Variants in RLIM observed in about 807,000 individuals in gnomAD.
RLIM encodes ring finger protein, LIM domain interacting.
In RLIM, 2 loss-of-function variants were observed where a neutral mutation model predicts 34.0. That is an observed-to-expected ratio of 0.06 (90% confidence interval 0.02 to 0.19). The LOEUF (loss-of-function observed/expected upper bound fraction) is 0.19, where lower values mean the gene tolerates loss of function less well. Among genes scored for constraint, RLIM ranks in the 10% least tolerant of loss-of-function variants. RLIM has a pLI of 1.00. For synonymous variants in RLIM, 169 were observed against 164.0 expected (o/e 1.03, Z -0.23); for missense variants, 286 against 479.7 (o/e 0.60, Z 3.77).
At chrX:74,609,478 A>T (rs2079697405) in intron 1 of RLIM, among the ~76,000 whole-genome samples, 1 of 74,020 alleles carries the variant, frequency 1.4e-5, no homozygotes, top group Non-Finnish European at 2.4e-5. Context: ...ACAGAGCGAG[A>T]CTCCGTTTCA....
chrX:74,611,307 G>A (rs967926164), intron 1 of RLIM, among the ~76,000 whole-genome samples: 10 of 111,858 alleles, frequency 8.9e-5, no homozygotes, highest in African/African-American at 3.3e-4. Flanking sequence ...AAAAATTAAT[G>A]TACATATAAT....
chrX:74,608,892 T>C (rs1189748789), intron 1 of RLIM, among the ~76,000 whole-genome samples: 1 of 112,325 alleles, frequency 8.9e-6, no homozygotes, highest in Non-Finnish European at 1.9e-5. Flanking sequence ...AATACTTTAA[T>C]CTAGACAGTG....
intron 1 of RLIM, among the ~76,000 whole-genome samples, chrX:74,613,702 G>C (rs890027234): frequency 9.7e-6 from 1 of 103,170 alleles, no homozygotes; most frequent in African/African-American, 3.6e-5. Flanking sequence ...AAATTAACTT[G>C]AAAATTTGGC....
At chrX:74,593,124 T>C (rs1414395896) in intron 3 of RLIM, 63 bp from the exon 4 acceptor site, 1 of 1,079,356 alleles carries the variant, frequency 9.3e-7, no homozygotes, top group Non-Finnish European at 1.2e-6. Context: ...GACAATCATA[T>C]AAGTGCTCTG....
At chrX:74,610,931 C>A (rs2079708130) in intron 1 of RLIM, among the ~76,000 whole-genome samples, 1 of 110,501 alleles carries the variant, frequency 9.0e-6, no homozygotes, top group Non-Finnish European at 1.9e-5. Context: ...AAAAATACCT[C>A]AATTGATAAA....
At position 74,590,311 on chromosome X, in the gene RLIM, A is replaced by G. The variant is rs1205772409; in HGVS notation, c.*1129T>C. 1 of 112,058 alleles carries G rather than the reference A, an allele frequency of 8.9e-6. No homozygotes were observed. Among genetic ancestry groups the G allele is most frequent in the Non-Finnish European group, 1.9e-5 (1 of 53,245 alleles). 9.2% of individuals were successfully genotyped at this position (112,058 alleles called of 1,213,427 possible). A position where few individuals can be genotyped will look rare whatever the true frequency, so the allele number is the denominator to read the frequency against. On this transcript the variant is annotated 3_prime_UTR_variant, in exon 4 of 4. Transcript: ENST00000332687. ...GCCAAACTTGCTGATCTTCTGCTTC[A>G]TCTACTCAGGTAGAATACCAGGTCA...
intron 1 of RLIM, among the ~76,000 whole-genome samples, chrX:74,598,401 G>T (rs2079648098): frequency 9.0e-6 from 1 of 110,851 alleles, no homozygotes; most frequent in Admixed American, 9.7e-5. Flanking sequence ...GCCGAGGTGG[G>T]AGGATCACTT....
chrX:74,589,894 A>T lies in RLIM; in HGVS notation c.*1546T>A, dbSNP rs771591020. ...CTCTTACTACTAAGAAACCAACATA[A>T]AGTGCATGTCCATAGATAGCGAGTC... is the stretch of plus-strand genomic sequence containing the variant. On this transcript the variant is annotated 3_prime_UTR_variant, in exon 4 of 4. Coordinates refer to ENST00000332687, the MANE Select transcript of RLIM (RefSeq NM_016120.4). 11 of 112,413 alleles carry T rather than the reference A, an allele frequency of 9.8e-5. No homozygotes were observed. Among genetic ancestry groups the T allele is most frequent in the Non-Finnish European group, 1.3e-4 (7 of 53,278 alleles). 9.3% of individuals were successfully genotyped at this position (112,413 alleles called of 1,213,427 possible). A position where few individuals can be genotyped will look rare whatever the true frequency, so the allele number is the denominator to read the frequency against.
intron 1 of RLIM, among the ~76,000 whole-genome samples, chrX:74,603,900 G>C (rs1300697629): frequency 9.0e-6 from 1 of 110,793 alleles, no homozygotes; most frequent in Admixed American, 9.7e-5. Flanking sequence ...ACAAGGTCAG[G>C]AGTTCTGAGA....
At chrX:74,598,928 A>G (rs1205549458) in intron 1 of RLIM, among the ~76,000 whole-genome samples, 1 of 112,066 alleles carries the variant, frequency 8.9e-6, no homozygotes, top group Non-Finnish European at 1.9e-5. Context: ...ATAAATGGAC[A>G]TTTGCAAATG....
At chrX:74,606,693 A>C (rs978971476) in intron 1 of RLIM, among the ~76,000 whole-genome samples, 2 of 112,049 alleles carry the variant, frequency 1.8e-5, no homozygotes, top group African/African-American at 6.5e-5. Flanking sequence ...GTTATATTTG[A>C]TGGACACACT....
chrX:74,583,608 T>C lies in RLIM; in HGVS notation c.*7832A>G, dbSNP rs1192419138. 3 of 459,166 alleles carry C rather than the reference T, an allele frequency of 6.5e-6. No individual in the cohort carries two copies. The African/African-American group carries it at 7.2e-5, about 11-fold the overall frequency. 37.8% of individuals were successfully genotyped at this position (459,166 alleles called of 1,213,427 possible). A position where few individuals can be genotyped will look rare whatever the true frequency, so the allele number is the denominator to read the frequency against. ...GGAAATAAAACACCTTGATACCGTT[T>C]GCCCTAGGGCTGATTACAAGGTACA... is the stretch of plus-strand genomic sequence containing the variant. On this transcript the variant is annotated 3_prime_UTR_variant, in exon 4 of 4. Coordinates refer to ENST00000332687, the MANE Select transcript of RLIM (RefSeq NM_016120.4).
At chrX:74,604,869 C>CAAT (rs1287758897) in intron 1 of RLIM, among the ~76,000 whole-genome samples, 1 of 111,194 alleles carries the variant, frequency 9.0e-6, no homozygotes, top group African/African-American at 3.3e-5. Flanking sequence ...ACTACCTCTT[C>CAAT]AATAATAATA....
chrX:74,596,969 T>C (rs1003974950), intron 1 of RLIM, among the ~76,000 whole-genome samples: 3 of 112,165 alleles, frequency 2.7e-5, no homozygotes, highest in African/African-American at 9.7e-5. Flanking sequence ...AAAGAATGCA[T>C]GATTATGCAA....
Position 74,588,144 on chromosome X carries a change from C to T in RLIM, c.*3296G>A, listed in dbSNP as rs960665415. On this transcript the variant is annotated 3_prime_UTR_variant, in exon 4 of 4. Coordinates refer to ENST00000332687, the MANE Select transcript of RLIM (RefSeq NM_016120.4). Reference sequence around the variant, plus strand: ...CAAAGTCAGCAAACTTTTAACTTAACTTGCTCAATTTTGTTTCTAATAGTA... The same window carrying T: ...CAAAGTCAGCAAACTTTTAACTTAATTTGCTCAATTTTGTTTCTAATAGTA... The T allele has an allele frequency of 5.3e-5, 6 of 112,461 alleles. No homozygotes were observed. The highest frequency in any genetic ancestry group is 1.9e-4 in the African/African-American group (6 of 30,904). 9.3% of individuals were successfully genotyped at this position (112,461 alleles called of 1,213,427 possible).
In RLIM at chrX:74,592,197, G is replaced by A; in HGVS notation, c.1118C>T (p.Ala373Val). 8.3e-7 allele frequency: 1 copy of A among 1,211,555 alleles called. No individual in the cohort carries two copies. Among genetic ancestry groups the A allele is most frequent in the Non-Finnish European group, 1.1e-6 (1 of 895,326 alleles). ...FRRTFSRSERAGVRTYVSTIR... is the reference protein window; with the variant it reads ...FRRTFSRSERVGVRTYVSTIR... Reference sequence around the variant, plus strand: ...GGTACTGACATAGGTTCTCACACCTGCCCGCTCAGAACGTGAAAATGTACG... The same window carrying A: ...GGTACTGACATAGGTTCTCACACCTACCCGCTCAGAACGTGAAAATGTACG... Residue 373 changes from alanine to valine, a missense_variant, in exon 4 of 4, where the codon GCA becomes GTA. Physicochemically the swap from Ala to Val is moderately conservative, Grantham distance 64 (BLOSUM62 0). Around this residue, in one of 6 missense-constraint regions of RLIM, gnomAD observed 121 missense variants for 182.4 expected, o/e 0.66. Coordinates refer to ENST00000332687, the MANE Select transcript of RLIM (RefSeq NM_016120.4).
rs2079604190 is a variant in RLIM at position 74,589,680 on chromosome X, T to C, written c.*1760A>G. ...TCCTAAAGCAGACTTGTTTATTTTG[T>C]AGAGTATTTGACTACGTCTGGGTAG... is the stretch of plus-strand genomic sequence containing the variant. On this transcript the variant is annotated 3_prime_UTR_variant, in exon 4 of 4. Coordinates refer to ENST00000332687, the MANE Select transcript of RLIM (RefSeq NM_016120.4). 8.9e-6 allele frequency: 1 copy of C among 112,375 alleles called. No homozygotes were observed. The highest frequency in any genetic ancestry group is 3.2e-5 in the African/African-American group (1 of 30,963). 9.3% of individuals were successfully genotyped at this position (112,375 alleles called of 1,213,427 possible). A position where few individuals can be genotyped will look rare whatever the true frequency, so the allele number is the denominator to read the frequency against.
In RLIM at chrX:74,584,031, C is replaced by T. The variant is rs529332205; in HGVS notation, c.*7409G>A. 5.4e-5 allele frequency among the ~76,000 whole-genome samples: 6 copies of T among 111,398 alleles called. No homozygotes were observed. The highest frequency in any genetic ancestry group is 3.8e-4 in the South Asian group (1 of 2,660). ...TTGCACTCCAGCCTGGGCGACAGGG[C>T]GAGAATCCATCTCAAACAAACAAAA... On this transcript the variant is annotated 3_prime_UTR_variant, in exon 4 of 4. Coordinates refer to ENST00000332687, the MANE Select transcript of RLIM (RefSeq NM_016120.4).
intron 1 of RLIM, 43 bp from the exon 2 acceptor site, chrX:74,596,043 A>T: frequency 1.2e-6 from 1 of 816,962 alleles, no homozygotes; most frequent in Non-Finnish European, 1.7e-6. Flanking sequence ...AAAGGTCACT[A>T]TGTATTCTAT....
Sources: allele counts gnomAD v4.1 joint callset (sites outside exome capture counted in the v4.1 genomes callset), GRCh38; gene constraint gnomAD v4.1.1; regional missense constraint gnomAD v4.1.1; transcripts MANE v1.5; gene names NCBI Gene and HGNC (gene_info 2026-07-23, HGNC 2026-07-21).